CSMD3: variants seen among roughly 807,000 people sequenced by gnomAD.
The protein encoded by CSMD3 is CUB and Sushi multiple domains 3, also known as CUB and sushi domain-containing protein 3.
Under a neutral mutation model 435.2 loss-of-function variants are expected in CSMD3, and 177 were observed. The observed-to-expected ratio is 0.41, with a 90% confidence interval of 0.36 to 0.46. The LOEUF is 0.46. Ranked by LOEUF, CSMD3 falls within the 20% of genes least tolerant of loss-of-function variation. CSMD3 has a pLI of 0.34. For synonymous variants in CSMD3, 1,656 were observed against 1,520.5 expected (o/e 1.09, Z -2.07); for missense variants, 4,265 against 4,504.6 (o/e 0.95, Z 1.52).
In CSMD3 at chr8:112,880,583, T is replaced by C. The variant is rs528500525; in HGVS notation, c.1634-21317A>G. Among the ~76,000 whole-genome samples the C allele has an allele frequency of 1.2e-4, 19 of 152,142 alleles. No individual in the cohort carries two copies. The South Asian group carries it at 3.3e-3, about 27-fold the overall frequency. ...GGGGAAAGACACACTAAACAGCACATTGAATACAGAAAAACTCTGGAATTC... is the reference window on the plus strand; with the variant it reads ...GGGGAAAGACACACTAAACAGCACACTGAATACAGAAAAACTCTGGAATTC... On this transcript the variant is annotated intron_variant, in intron 10 of 70. Transcript: ENST00000297405.
chr8:112,836,649 G>A (rs928974067), intron 11 of CSMD3, among the ~76,000 whole-genome samples: 3 of 151,914 alleles, frequency 2.0e-5, no homozygotes, highest in East Asian at 3.9e-4. Context: ...CTCACAATAC[G>A]TAGTTTGAAG....
chr8:112,528,748 A>G (rs1332018967), intron 27 of CSMD3, among the ~76,000 whole-genome samples: 1 of 152,154 alleles, frequency 6.6e-6, no homozygotes, highest in African/African-American at 2.4e-5. Context: ...GATCCAGAAC[A>G]CCCTCTCGCC....
intron 10 of CSMD3, among the ~76,000 whole-genome samples, chr8:112,869,513 C>G (rs1013077300): frequency 2.0e-5 from 3 of 151,888 alleles, no homozygotes; most frequent in Non-Finnish European, 4.4e-5. Context: ...ACCATTTGAC[C>G]CAGCCATCCC....
intron 10 of CSMD3, among the ~76,000 whole-genome samples, chr8:112,920,987 A>ACGTGCG (rs756849863): frequency 1.7e-5 from 2 of 118,510 alleles, no homozygotes; most frequent in Admixed American, 9.0e-5. Context: ...GTACACACAT[A>ACGTGCG]CGCGCGCGCG....
At chr8:113,339,877 T>G (rs2094105880) in intron 1 of CSMD3, among the ~76,000 whole-genome samples, 1 of 152,008 alleles carries the variant, frequency 6.6e-6, no homozygotes, top group Admixed American at 6.6e-5. Context: ...TATCTATCAA[T>G]GCTCACACCG....
chr8:113,365,812 T>C (rs922885509), intron 1 of CSMD3, among the ~76,000 whole-genome samples: 2 of 152,038 alleles, frequency 1.3e-5, no homozygotes, highest in Non-Finnish European at 2.9e-5. Flanking sequence ...TGAGTCTCAA[T>C]GTATCAGCAT....
intron 45 of CSMD3, among the ~76,000 whole-genome samples, chr8:112,327,536 A>G (rs1431839910): frequency 6.6e-6 from 1 of 152,182 alleles, no homozygotes; most frequent in Non-Finnish European, 1.5e-5. Context: ...GGATTGTTCT[A>G]TTTAGAAACA....
At position 112,516,971 on chromosome 8, in the gene CSMD3, A is replaced by G. The variant is rs576552725; in HGVS notation, c.4756+63T>C. ...AGTCTAGAATATGGTTCTTAAGAAC[A>G]ATACCAGTTTTTAACCATTGTTTTA... On this transcript the variant is annotated intron_variant, in intron 28 of 70. Transcript: ENST00000297405. 699 of 1,259,152 alleles carry G rather than the reference A, an allele frequency of 5.6e-4. 8 individuals are homozygous for G. In the South Asian group the frequency reaches 7.8e-3, roughly 14 times the overall value. The allele number at this position is 1,259,152 out of a possible 1,614,324, so 78.0% of individuals were successfully genotyped here. A position where few individuals can be genotyped will look rare whatever the true frequency, so the allele number is the denominator to read the frequency against.
intron 1 of CSMD3, among the ~76,000 whole-genome samples, chr8:113,430,321 A>G (rs1211351412): frequency 6.6e-6 from 1 of 152,106 alleles, no homozygotes; most frequent in East Asian, 1.9e-4. Context: ...GCACTGGGCT[A>G]GGTACGTAAT....
chr8:113,403,258 T>C (rs1279464542), intron 1 of CSMD3, among the ~76,000 whole-genome samples: 1 of 151,394 alleles, frequency 6.6e-6, no homozygotes, highest in Non-Finnish European at 1.5e-5. Flanking sequence ...TTTTGACAAC[T>C]GTATTTCTGA....
intron 2 of CSMD3, among the ~76,000 whole-genome samples, chr8:113,288,127 G>T (rs2093659811): frequency 6.6e-6 from 1 of 151,736 alleles, no homozygotes; most frequent in African/African-American, 2.4e-5. Flanking sequence ...TAGATAAGAT[G>T]ATATTGACAG....
intron 12 of CSMD3, among the ~76,000 whole-genome samples, chr8:112,821,731 G>A (rs1468745990): frequency 6.6e-6 from 1 of 152,054 alleles, no homozygotes; most frequent in Non-Finnish European, 1.5e-5. Context: ...GCCCACGCCT[G>A]TGTCCTGAAT....
At chr8:112,486,114 G>GT (rs10955624) in intron 31 of CSMD3, among the ~76,000 whole-genome samples, 45,205 of 144,500 alleles carry the variant, frequency 0.31, 6,997 homozygotes, top group East Asian at 0.5. Flanking sequence ...ATTCTATCAG[G>GT]TTTTTTTTTT....
chr8:112,617,449 C>G (rs867867953), intron 22 of CSMD3, among the ~76,000 whole-genome samples: 1 of 152,118 alleles, frequency 6.6e-6, no homozygotes, highest in Non-Finnish European at 1.5e-5. Context: ...TGTGTAAATA[C>G]ACCTAGGAGA....
chr8:112,807,387 T>C (rs2079114718), intron 12 of CSMD3, among the ~76,000 whole-genome samples: 2 of 152,178 alleles, frequency 1.3e-5, no homozygotes, highest in African/African-American at 4.8e-5. Flanking sequence ...TTGTATGCTA[T>C]GATGACCTCT....
intron 1 of CSMD3, among the ~76,000 whole-genome samples, chr8:113,354,386 T>C (rs1462152282): frequency 6.6e-6 from 1 of 152,148 alleles, no homozygotes; most frequent in African/African-American, 2.4e-5. Flanking sequence ...GGGAACCTCC[T>C]TGAAATTAAA....
chr8:113,318,162 G>C (rs924961249), intron 1 of CSMD3, among the ~76,000 whole-genome samples: 3 of 152,098 alleles, frequency 2.0e-5, no homozygotes, highest in African/African-American at 7.2e-5. Context: ...AATTTATACA[G>C]ATACAGTGAA....
chr8:112,971,444 C>A (rs1023015005), intron 7 of CSMD3, among the ~76,000 whole-genome samples: 4 of 152,080 alleles, frequency 2.6e-5, no homozygotes, highest in African/African-American at 9.7e-5. Flanking sequence ...TGATAGTAAG[C>A]AATTCTTTTT....
At chr8:113,216,645 T>C (rs1479794599) in intron 3 of CSMD3, among the ~76,000 whole-genome samples, 3 of 151,954 alleles carry the variant, frequency 2.0e-5, no homozygotes, top group Non-Finnish European at 4.4e-5. Context: ...AATGACAAAG[T>C]ATGTAAAATT....
Sources: allele counts gnomAD v4.1 joint callset (sites outside exome capture counted in the v4.1 genomes callset), GRCh38; gene constraint gnomAD v4.1.1; transcripts MANE v1.5; gene names NCBI Gene and HGNC (gene_info 2026-07-23, HGNC 2026-07-21).